MSRA: variants seen among roughly 807,000 people sequenced by gnomAD.
MSRA encodes methionine sulfoxide reductase A, also known as mitochondrial peptide methionine sulfoxide reductase.
A neutral mutation model predicts 31.3 loss-of-function variants in MSRA; 54 were observed. That is an observed-to-expected ratio of 1.73 (90% CI 1.39 to 2.17). MSRA has a LOEUF of 2.17. Among genes scored for constraint, MSRA ranks in the 30% most tolerant of loss-of-function variants. MSRA has a pLI of 0.00. For missense variants in MSRA, 507 were observed against 300.9 expected, an observed-to-expected ratio of 1.69 and a Z score of -5.07; for synonymous variants, 169 against 116.5, an observed-to-expected ratio of 1.45 and a Z score of -2.90.
chr8:10,189,444 C>G (rs1390929880), intron 1 of MSRA, among the ~76,000 whole-genome samples: 3 of 152,116 alleles, frequency 2.0e-5, no homozygotes, highest in Non-Finnish European at 4.4e-5. Flanking sequence ...TGAGAACGTT[C>G]GGTCTGTTAC....
intron 1 of MSRA, among the ~76,000 whole-genome samples, chr8:10,130,470 C>G (rs1801817793): frequency 6.6e-6 from 1 of 152,180 alleles, no homozygotes; most frequent in African/African-American, 2.4e-5. Flanking sequence ...TGTTCTCTTT[C>G]TGTTGGTGTG....
At chr8:10,348,653 C>T (rs914974549) in intron 5 of MSRA, among the ~76,000 whole-genome samples, 1 of 152,152 alleles carries the variant, frequency 6.6e-6, no homozygotes, top group African/African-American at 2.4e-5. Flanking sequence ...CAGGTGTGAG[C>T]CACCATGCCT....
chr8:10,268,536 T>G (rs185494156), intron 3 of MSRA, among the ~76,000 whole-genome samples: 1 of 152,370 alleles, frequency 6.6e-6, no homozygotes, highest in East Asian at 1.9e-4. Context: ...CATCTGCCTC[T>G]TCTCTCCCTA....
chr8:10,219,434 T>C (rs896440013), intron 2 of MSRA, among the ~76,000 whole-genome samples: 1 of 152,238 alleles, frequency 6.6e-6, no homozygotes, highest in African/African-American at 2.4e-5. Context: ...ATCTCGTGTA[T>C]GTATTTTTGT....
chr8:10,063,579 G>T (rs12155541), intron 1 of MSRA, among the ~76,000 whole-genome samples: 78,759 of 152,014 alleles, frequency 0.52, 22,674 homozygotes, highest in Middle Eastern at 0.65. Flanking sequence ...TGGGGGATTA[G>T]GAGGTGGGGG....
At chr8:10,296,406 A>G (rs941026444) in intron 3 of MSRA, among the ~76,000 whole-genome samples, 2 of 152,166 alleles carry the variant, frequency 1.3e-5, no homozygotes, top group Non-Finnish European at 2.9e-5. Flanking sequence ...CTTCCCAAAT[A>G]CTTTCCCACA....
At chr8:10,326,443 A>G (rs1338955320) in intron 5 of MSRA, 1 of 152,184 alleles carries the variant, frequency 6.6e-6, no homozygotes, top group African/African-American at 2.4e-5. Context: ...TTGGCTGAAG[A>G]AGTTTGCTCA....
chr8:10,168,238 C>G (rs1431382558), intron 1 of MSRA, among the ~76,000 whole-genome samples: 1 of 152,192 alleles, frequency 6.6e-6, no homozygotes, highest in Admixed American at 6.5e-5. Flanking sequence ...TACATGTTAA[C>G]TACTATTACT....
At chr8:10,387,891 G>A (rs1269415468) in intron 5 of MSRA, among the ~76,000 whole-genome samples, 1 of 152,132 alleles carries the variant, frequency 6.6e-6, no homozygotes, top group Non-Finnish European at 1.5e-5. Context: ...TGGTTCTCAG[G>A]CAGCTTCTAG....
chr8:10,296,000 A>C (rs559414744), intron 3 of MSRA, among the ~76,000 whole-genome samples: 1 of 152,336 alleles, frequency 6.6e-6, no homozygotes, highest in South Asian at 2.1e-4. Context: ...AAACTAGAAA[A>C]GAAAAAGAAT....
At chr8:10,289,988 T>C (rs760350633) in intron 3 of MSRA, among the ~76,000 whole-genome samples, 2 of 152,364 alleles carry the variant, frequency 1.3e-5, no homozygotes, top group South Asian at 2.1e-4. Flanking sequence ...ATGTCTGTTA[T>C]TGCTCTTAAC....
chr8:10,193,794 C>G (rs534568875), intron 1 of MSRA, among the ~76,000 whole-genome samples: 2 of 152,248 alleles, frequency 1.3e-5, no homozygotes, highest in South Asian at 2.1e-4. Context: ...ACCAAGTCTG[C>G]TATCTCAGAA....
At chr8:10,154,852 C>A in intron 1 of MSRA, among the ~76,000 whole-genome samples, 1 of 151,310 alleles carries the variant, frequency 6.6e-6, no homozygotes, top group South Asian at 2.1e-4. Context: ...AAATAGTGAT[C>A]TATTGTTTTA....
At chr8:10,249,120 C>T (rs976109856) in intron 3 of MSRA, among the ~76,000 whole-genome samples, 2 of 145,986 alleles carry the variant, frequency 1.4e-5, no homozygotes, top group African/African-American at 4.9e-5. Flanking sequence ...TACCCTGGCA[C>T]TTTTAAGTTG....
At chr8:10,082,711 C>G (rs76049533) in intron 1 of MSRA, among the ~76,000 whole-genome samples, 1,937 of 152,256 alleles carry the variant, frequency 0.013, 45 homozygotes, top group African/African-American at 0.042. Flanking sequence ...AGGGGTCCCT[C>G]TCTGTGATCT....
chr8:10,208,909 G>T (rs1419333562), intron 2 of MSRA, among the ~76,000 whole-genome samples: 1 of 152,230 alleles, frequency 6.6e-6, no homozygotes, highest in Non-Finnish European at 1.5e-5. Context: ...ATTAGCCTCA[G>T]AACAACCTGG....
At chr8:10,064,771 T>C (rs2661752) in intron 1 of MSRA, among the ~76,000 whole-genome samples, 152,258 of 152,276 alleles carry the variant, frequency 1, 76,120 homozygotes, top group Non-Finnish European at 1. Context: ...AAGTCATGTG[T>C]AAAATTAAAA....
chr8:10,240,049 A>T (rs1812275621), intron 2 of MSRA, among the ~76,000 whole-genome samples: 1 of 152,196 alleles, frequency 6.6e-6, no homozygotes, highest in East Asian at 1.9e-4. Flanking sequence ...CCTTGCTGCA[A>T]AGTGAGTTGC....
At chr8:10,321,947 T>A (rs1193702482) in intron 5 of MSRA, among the ~76,000 whole-genome samples, 1 of 152,256 alleles carries the variant, frequency 6.6e-6, no homozygotes, top group East Asian at 1.9e-4. Context: ...ACTTTGAAGC[T>A]GCTAAGTTTT....
Sources: gnomAD v4.1 joint callset for allele counts (sites outside exome capture counted in the v4.1 genomes callset) on GRCh38, gnomAD v4.1.1 for gene constraint, MANE v1.5 for transcripts, NCBI Gene and HGNC (gene_info 2026-07-23, HGNC 2026-07-21) for gene names.